Variants in MMP20 observed in about 807,000 individuals in gnomAD.
MMP20 encodes the protein matrix metalloproteinase-20.
A neutral mutation model predicts 51.8 loss-of-function variants in MMP20; 50 were observed. The ratio of observed to expected loss-of-function variants is 0.97; its 90% confidence interval spans 0.77 to 1.22. The LOEUF is 1.22. MMP20 is among the 50% of genes most tolerant of loss of function. The pLI, the probability that MMP20 is intolerant of heterozygous loss-of-function variation, is 0.00. For missense variants in MMP20, 663 were observed against 601.4 expected (o/e 1.10, Z -1.07); for synonymous variants, 244 against 216.2 (o/e 1.13, Z -1.13).
chr11:102,613,734 G>C (rs183287452), intron 2 of MMP20, among the ~76,000 whole-genome samples: 25 of 152,264 alleles, frequency 1.6e-4, no homozygotes, highest in Non-Finnish European at 3.2e-4. Flanking sequence ...TTTAACCCCA[G>C]GTTTGGGGCC....
intron 1 of MMP20, among the ~76,000 whole-genome samples, chr11:102,618,255 C>T (rs997824930): frequency 4.0e-5 from 6 of 151,816 alleles, no homozygotes; most frequent in African/African-American, 1.2e-4. Context: ...GTACAGATCC[C>T]ATGGATACAG....
intron 8 of MMP20, among the ~76,000 whole-genome samples, chr11:102,580,180 A>T (rs1859176861): frequency 6.6e-6 from 1 of 152,246 alleles, no homozygotes; most frequent in Non-Finnish European, 1.5e-5. Context: ...ATAACTCTGA[A>T]GATTGATTAA....
intron 3 of MMP20, 119 bp from the exon 4 acceptor site, chr11:102,610,149 T>A: frequency 8.7e-7 from 1 of 1,150,970 alleles, no homozygotes; most frequent in Non-Finnish European, 1.3e-6. Context: ...CACTTTTCAG[T>A]ATTTATTTGT....
chr11:102,606,691 G>A lies in MMP20; in HGVS notation c.812-15C>T, dbSNP rs754485319. On this transcript the variant is annotated splice_polypyrimidine_tract_variant and intron_variant, in intron 5 of 9. Transcript: ENST00000260228. ...TTTCCGAGGTCCTAGGATTCAAAATGAGTTGGTCAAAATGGTAACGGGAAT... is the reference window on the plus strand; with the variant it reads ...TTTCCGAGGTCCTAGGATTCAAAATAAGTTGGTCAAAATGGTAACGGGAAT... The A allele has an allele frequency of 6.2e-7, 1 of 1,613,882 alleles. No individual in the cohort carries two copies. Among genetic ancestry groups the A allele is most frequent in the Admixed American group, 1.7e-5 (1 of 60,016 alleles).
At chr11:102,586,831 G>A (rs534823851) in intron 8 of MMP20, among the ~76,000 whole-genome samples, 1 of 151,710 alleles carries the variant, frequency 6.6e-6, no homozygotes, top group Admixed American at 6.6e-5. Context: ...AAAAAAAATT[G>A]TTTCTTTTTT....
intron 5 of MMP20, 38 bp downstream of exon 5, chr11:102,608,899 A>G (rs990559702): frequency 2.5e-6 from 4 of 1,607,848 alleles, no homozygotes; most frequent in Admixed American, 3.3e-5. Flanking sequence ...ATGCCTGCCA[A>G]TTTCAGGGTG....
chr11:102,609,946 G>A lies in MMP20; in HGVS notation c.608C>T (p.Thr203Ile). 1 of 1,614,120 alleles carries A rather than the reference G, an allele frequency of 6.2e-7. No homozygotes were observed. The highest frequency in any genetic ancestry group is 8.5e-7 in the Non-Finnish European group (1 of 1,180,020). ...CCACTTCTCAGCATTGTCGAAATGT[G>A]TATCTCCTCCCAGGCCTTCTCCAGG... is the stretch of plus-strand genomic sequence containing the variant. ...FAPGEGLGGDTHFDNAEKWTM... is the reference protein window; with the variant it reads ...FAPGEGLGGDIHFDNAEKWTM... Residue 203 changes from threonine to isoleucine, a missense_variant, in exon 4 of 10, where the codon ACA becomes ATA. Physicochemically the swap from Thr to Ile is moderately conservative, Grantham distance 89 (BLOSUM62 -1). Transcript: ENST00000260228.
intron 6 of MMP20, among the ~76,000 whole-genome samples, chr11:102,604,082 C>T (rs1784430): frequency 0.54 from 81,796 of 150,490 alleles, 22,370 homozygotes; most frequent in South Asian, 0.67. Context: ...TATCATATGT[C>T]TGACTTCACC....
At chr11:102,590,731 G>C (rs1341779344) in intron 8 of MMP20, among the ~76,000 whole-genome samples, 1 of 152,164 alleles carries the variant, frequency 6.6e-6, no homozygotes, top group African/African-American at 2.4e-5. Flanking sequence ...TCCATAACTT[G>C]AGGCTTGGGA....
At chr11:102,614,771 C>T (rs1201105060) in intron 2 of MMP20, among the ~76,000 whole-genome samples, 2 of 149,884 alleles carry the variant, frequency 1.3e-5, no homozygotes, top group Admixed American at 1.3e-4. Flanking sequence ...CACTGGTGTG[C>T]TGGAACAGGT....
At position 102,608,974 on chromosome 11, in the gene MMP20, G is replaced by A. The variant is rs768826041; in HGVS notation, c.774C>T (p.Leu258=). The part of the protein sequence containing the change: ...YKYKNPYGFH[L]PKDDVKGIQA... ...GGATCCCTTTCACATCATCTTTGGG[G>A]AGGTGGAATCCATAGGGATTCTTGT... Residue 258 remains leucine, a synonymous_variant, in exon 5 of 10, where the codon CTC becomes CTT. Transcript: ENST00000260228. 3 of 1,614,176 alleles carry A rather than the reference G, an allele frequency of 1.9e-6. No homozygotes were observed. The African/African-American group carries it at 4.0e-5, about 22-fold the overall frequency.
intron 8 of MMP20, among the ~76,000 whole-genome samples, chr11:102,581,610 G>A (rs940175568): frequency 7.9e-5 from 12 of 152,178 alleles, no homozygotes; most frequent in African/African-American, 2.9e-4. Context: ...AATATGTGGT[G>A]GTTGGGAAGG....
chr11:102,600,860 T>C (rs945802764), intron 6 of MMP20, among the ~76,000 whole-genome samples: 14 of 152,060 alleles, frequency 9.2e-5, no homozygotes, highest in African/African-American at 3.4e-4. Flanking sequence ...TTCCAAACTA[T>C]CCTGGCCACT....
intron 6 of MMP20, among the ~76,000 whole-genome samples, chr11:102,597,014 G>A (rs1859389415): frequency 6.6e-6 from 1 of 152,200 alleles, no homozygotes; most frequent in Non-Finnish European, 1.5e-5. Context: ...GCTCTGAAAT[G>A]TTTTCTCTTA....
rs1004209645 is a variant in MMP20, at chr11:102,614,462, T to C, written c.374+2350A>G. Among the ~76,000 whole-genome samples the C allele has an allele frequency of 2.0e-5, 3 of 152,226 alleles. No homozygotes were observed. In the South Asian group the frequency reaches 6.2e-4, roughly 32 times the overall value. ...ATACTTCCCTAAGCATCACATTATC[T>C]TGACCCAGGCTTCTTGTCTTTGTTG... is the stretch of plus-strand genomic sequence containing the variant. On this transcript the variant is annotated intron_variant, in intron 2 of 9. Transcript: ENST00000260228.
chr11:102,598,407 A>G (rs1859408018), intron 6 of MMP20, among the ~76,000 whole-genome samples: 1 of 152,214 alleles, frequency 6.6e-6, no homozygotes, highest in Admixed American at 6.5e-5. Flanking sequence ...GTTTATTGAT[A>G]TTTTAGATCT....
At chr11:102,603,618 A>G (rs1375176146) in intron 6 of MMP20, among the ~76,000 whole-genome samples, 4 of 152,228 alleles carry the variant, frequency 2.6e-5, no homozygotes, top group Admixed American at 6.5e-5. Flanking sequence ...TTAAGTCACT[A>G]TTATTACAGA....
intron 8 of MMP20, among the ~76,000 whole-genome samples, chr11:102,579,868 ATTAT>A (rs1859173607): frequency 6.6e-6 from 1 of 152,186 alleles, no homozygotes; most frequent in Non-Finnish European, 1.5e-5. Context: ...TATTGTTGTA[ATTAT>A]TTCTCTATCA....
intron 1 of MMP20, among the ~76,000 whole-genome samples, chr11:102,622,930 T>C (rs1165712859): frequency 1.3e-5 from 2 of 152,216 alleles, no homozygotes. Flanking sequence ...TTTCCTGTCA[T>C]TGTGATCCTC....
Sources: gnomAD v4.1 joint callset for allele counts (sites outside exome capture counted in the v4.1 genomes callset) on GRCh38, gnomAD v4.1.1 for gene constraint, MANE v1.5 for transcripts, NCBI Gene and HGNC (gene_info 2026-07-23, HGNC 2026-07-21) for gene names.